The following CLCN4 variants were observed in gnomAD, a reference collection of about 807,000 sequenced individuals.
The protein encoded by CLCN4 is Cl-/H+ antiporter 4, also known as H(+)/Cl(-) exchange transporter 4.
CLCN4 carries 1 observed loss-of-function variant against 41.7 expected under a neutral mutation model. That is an observed-to-expected ratio of 0.02 (90% CI 0.01 to 0.11). The LOEUF (loss-of-function observed/expected upper bound fraction) is 0.11. Ranked by LOEUF, CLCN4 falls within the 10% of genes least tolerant of loss-of-function variation. The probability of loss-of-function intolerance (pLI) is 1.00; values close to 1 mark genes in which losing one functional copy is unlikely to be tolerated. For missense variants in CLCN4, 287 were observed against 661.0 expected (o/e 0.43, Z 6.20); for synonymous variants, 277 against 285.8 (o/e 0.97, Z 0.31).
chrX:10,212,382 T>A (rs763087231), intron 9 of CLCN4, 85 bp from the exon 10 acceptor site: 3 of 956,563 alleles, frequency 3.1e-6, no homozygotes, highest in Non-Finnish European at 4.4e-6. Context: ...TGCAAGCCCG[T>A]CGAGGGGGAA....
rs778494869 is a variant in CLCN4 at position 10,158,673 on chromosome X, T to C, written c.-12+122T>C. 33 of 241,383 alleles carry C rather than the reference T, an allele frequency of 1.4e-4. No individual in the cohort carries two copies. The East Asian group carries it at 2.1e-3, about 16-fold the overall frequency. The allele number at this position is 241,383 out of a possible 1,213,427, so 19.9% of individuals were successfully genotyped here. A position where few individuals can be genotyped will look rare whatever the true frequency, so the allele number is the denominator to read the frequency against. ...GCCCCCAGAAACCCAAAGTGGGGCC[T>C]CTGGCTGCTGCGGCGCCTGCTGCCC... On this transcript the variant is annotated intron_variant, in intron 2 of 12. Transcript: ENST00000380833.
intron 11 of CLCN4, among the ~76,000 whole-genome samples, chrX:10,216,370 C>T (rs1924705534): frequency 8.9e-6 from 1 of 111,923 alleles, no homozygotes. Flanking sequence ...CATACTAGCA[C>T]ACGGGGCTGT....
intron 12 of CLCN4, 90 bp downstream of exon 12, chrX:10,220,967 G>T: frequency 1.4e-6 from 1 of 734,697 alleles, no homozygotes; most frequent in Non-Finnish European, 2.1e-6. Context: ...GAGGGCCATG[G>T]GGTGGAATAG....
intron 2 of CLCN4, among the ~76,000 whole-genome samples, chrX:10,171,878 G>A (rs1361508147): frequency 8.9e-6 from 1 of 111,768 alleles, no homozygotes; most frequent in Non-Finnish European, 1.9e-5. Context: ...GAGACTCAGC[G>A]CCTGGGATTT....
chrX:10,214,300 C>T (rs993051450), intron 11 of CLCN4, among the ~76,000 whole-genome samples: 10 of 112,564 alleles, frequency 8.9e-5, no homozygotes, highest in Non-Finnish European at 1.7e-4. Flanking sequence ...TCCCCATTAA[C>T]GCCGATATTG....
intron 2 of CLCN4, among the ~76,000 whole-genome samples, chrX:10,181,945 C>T (rs1923697027): frequency 1.8e-5 from 2 of 111,983 alleles, no homozygotes; most frequent in African/African-American, 6.5e-5. Context: ...GAGCCTGATT[C>T]CTTGGGGTCT....
intron 12 of CLCN4, among the ~76,000 whole-genome samples, chrX:10,226,826 A>G (rs1268460995): frequency 3.6e-5 from 4 of 111,128 alleles, no homozygotes; most frequent in East Asian, 5.7e-4. Context: ...CTGGATGCAT[A>G]CACCCTCCCA....
chrX:10,224,584 T>A (rs1168800065), intron 12 of CLCN4, among the ~76,000 whole-genome samples: 3 of 111,212 alleles, frequency 2.7e-5, no homozygotes, highest in African/African-American at 9.9e-5. Flanking sequence ...CTGTTTTTTC[T>A]TTTTTAATTT....
intron 12 of CLCN4, among the ~76,000 whole-genome samples, chrX:10,222,692 G>A (rs753277541): frequency 8.9e-6 from 1 of 111,813 alleles, no homozygotes; most frequent in Admixed American, 9.5e-5. Context: ...GTGCAGTTGA[G>A]TGACCTTGGA....
intron 2 of CLCN4, among the ~76,000 whole-genome samples, chrX:10,181,716 A>G (rs1923689829): frequency 8.9e-6 from 1 of 111,871 alleles, no homozygotes; most frequent in Admixed American, 9.4e-5. Flanking sequence ...CATCTTCTAG[A>G]ACCTGTTATG....
chrX:10,207,020 A>G (rs747549377), intron 8 of CLCN4, among the ~76,000 whole-genome samples: 97 of 110,870 alleles, frequency 8.7e-4, no homozygotes, highest in Non-Finnish European at 1.7e-3. Flanking sequence ...CCCGGGTTGA[A>G]GCAATTCTCC....
At chrX:10,232,889 A>T (rs1392803707) in intron 12 of CLCN4, among the ~76,000 whole-genome samples, 5 of 111,677 alleles carry the variant, frequency 4.5e-5, no homozygotes, top group Non-Finnish European at 9.4e-5. Context: ...AGTCAGAGAT[A>T]AATGTCAACT....
At chrX:10,223,646 A>G (rs2147189096) in intron 12 of CLCN4, among the ~76,000 whole-genome samples, 1 of 111,965 alleles carries the variant, frequency 8.9e-6, no homozygotes, top group Non-Finnish European at 1.9e-5. Flanking sequence ...GATCACCTGC[A>G]GCATTTCTCA....
chrX:10,172,558 C>T (rs1456843031), intron 2 of CLCN4, among the ~76,000 whole-genome samples: 1 of 111,029 alleles, frequency 9.0e-6, no homozygotes, highest in African/African-American at 3.3e-5. Flanking sequence ...ATGAAGAGAC[C>T]GAGGTCAAGG....
chrX:10,174,287 C>T (rs1390503697), intron 2 of CLCN4, among the ~76,000 whole-genome samples: 3 of 112,183 alleles, frequency 2.7e-5, no homozygotes, highest in African/African-American at 9.7e-5. Flanking sequence ...GTGGTCGGGG[C>T]ACTGTCATTG....
rs746469061 is a variant in CLCN4 at position 10,219,163 on chromosome X, G to A, written c.1976-1498G>A. ...TTTATTTTATTGTAGCAAGTGGATC[G>A]ACCATTTATTAAATTGTATTTGGTT... On this transcript the variant is annotated intron_variant, in intron 11 of 12. Transcript: ENST00000380833. Among the ~76,000 whole-genome samples the A allele has an allele frequency of 8.9e-5, 10 of 112,214 alleles. No homozygotes were observed. In the East Asian group the frequency reaches 1.7e-3, roughly 19 times the overall value.
intron 4 of CLCN4, among the ~76,000 whole-genome samples, chrX:10,188,375 C>G (rs1311715962): frequency 2.7e-5 from 3 of 112,526 alleles, no homozygotes; most frequent in Non-Finnish European, 5.6e-5. Flanking sequence ...CAGCACCATG[C>G]TAGACACCCA....
rs1254646260 is a variant in CLCN4 at position 10,188,100 on chromosome X, A to G, written c.244+486A>G. On this transcript the variant is annotated intron_variant, in intron 4 of 12. Coordinates refer to ENST00000380833, the MANE Select transcript of CLCN4 (RefSeq NM_001830.4). The stretch of plus-strand genomic sequence containing the variant: ...CTCAGCTAATTTTTGTTATTTTTTC[A>G]TAGAGATGGGGTCTCACTGTGTTGC... Among the ~76,000 whole-genome samples, 7 of 111,709 alleles carry G rather than the reference A, an allele frequency of 6.3e-5. No homozygotes were observed. The Admixed American group carries it at 6.6e-4, about 11-fold the overall frequency.
rs1263152074 is a variant in CLCN4 at position 10,197,458 on chromosome X, G to C, written c.433-481G>C. Among the ~76,000 whole-genome samples, 3 of 111,196 alleles carry C rather than the reference G, an allele frequency of 2.7e-5. No homozygotes were observed. In the East Asian group the frequency reaches 8.4e-4, roughly 31 times the overall value. On this transcript the variant is annotated intron_variant, in intron 5 of 12. Coordinates refer to ENST00000380833, the MANE Select transcript of CLCN4 (RefSeq NM_001830.4). ...GGCTGGACCATGGACCCCACCCTGA[G>C]CAGCAGTATTCTAAAATACAGGCCC...
Sources: allele counts gnomAD v4.1 joint callset (sites outside exome capture counted in the v4.1 genomes callset), GRCh38; gene constraint gnomAD v4.1.1; transcripts MANE v1.5; gene names NCBI Gene and HGNC (gene_info 2026-07-23, HGNC 2026-07-21).